Variants in BMX observed in about 807,000 individuals in gnomAD.
The protein encoded by BMX is cytoplasmic tyrosine-protein kinase BMX.
In BMX, 31 loss-of-function variants were observed where a neutral mutation model predicts 59.2. The ratio of observed to expected loss-of-function variants is 0.52; its 90% CI spans 0.39 to 0.71. BMX has a LOEUF of 0.71. Among genes scored for constraint, BMX ranks in the 30% least tolerant of loss-of-function variants. The pLI, the probability that BMX is intolerant of heterozygous loss-of-function variation, is 0.00. For synonymous variants in BMX, 185 were observed against 181.0 expected (o/e 1.02, Z -0.18); for missense variants, 474 against 491.7 (o/e 0.96, Z 0.34).
Position 15,536,412 on chromosome X carries a change from G to A in BMX, c.1207G>A (p.Val403Met). The A allele has an allele frequency of 8.3e-7, 1 of 1,205,944 alleles. No individual in the cohort carries two copies. The highest frequency in any genetic ancestry group is 1.1e-6 in the Non-Finnish European group (1 of 892,157). The change falls in exon 13 of 19, where the codon GTG becomes ATG. Residue 403 changes from valine (V) to methionine (M), a missense_variant. Val to Met is a conservative substitution (Grantham distance 21). Transcript: ENST00000348343. ...STKANKVPDSVSLGNGIWELK... is the reference protein window; with the variant it reads ...STKANKVPDSMSLGNGIWELK... ...AAAGGCCAACAAGGTCCCCGACTCT[G>A]TGTCCCTGGGAAATGGTATGGATAC...
At chrX:15,503,732 C>G (rs191484995) in intron 1 of BMX, among the ~76,000 whole-genome samples, 22 of 112,399 alleles carry the variant, frequency 2.0e-4, no homozygotes, top group African/African-American at 6.5e-4. Flanking sequence ...GCATTAGTAG[C>G]GTGGTCACGA....
intron 7 of BMX, among the ~76,000 whole-genome samples, chrX:15,522,888 C>A (rs1924535124): frequency 1.8e-5 from 2 of 112,340 alleles, no homozygotes; most frequent in African/African-American, 6.5e-5. Flanking sequence ...CTTTAAAAAT[C>A]TATCCTTTAT....
At chrX:15,514,129 C>T (rs1244690479) in intron 4 of BMX, among the ~76,000 whole-genome samples, 1 of 111,515 alleles carries the variant, frequency 9.0e-6, no homozygotes, top group Non-Finnish European at 1.9e-5. Context: ...ATAGGAATCC[C>T]AACATGTGGA....
chrX:15,536,996 T>A (rs1298596017), intron 13 of BMX, 138 bp from the exon 14 acceptor site: 6 of 684,034 alleles, frequency 8.8e-6, no homozygotes, highest in Non-Finnish European at 4.4e-6. Flanking sequence ...TTTTTTTTTT[T>A]AACTTATCAA....
In BMX at chrX:15,542,036, C is replaced by T. The variant is rs773980234; in HGVS notation, c.1449C>T (p.Tyr483=). 21 of 1,208,993 alleles carry T rather than the reference C, an allele frequency of 1.7e-5. No individual in the cohort carries two copies. The highest frequency in any genetic ancestry group is 2.5e-4 in the Middle Eastern group (1 of 3,978). ...VKFYGVCSKE[Y]PIYIVTEYIS... is the part of the protein sequence containing the mutation. The stretch of plus-strand genomic sequence containing the variant: ...TCTATGGAGTGTGTTCAAAGGAATA[C>T]CCCATATACATAGTGACTGAATATA... Residue 483 remains tyrosine, a synonymous_variant, in exon 15 of 19, where the codon TAC becomes TAT. Coordinates refer to ENST00000348343, the MANE Select transcript of BMX (RefSeq NM_203281.3).
At chrX:15,501,940 T>G (rs1287064317) in intron 1 of BMX, among the ~76,000 whole-genome samples, 1 of 111,816 alleles carries the variant, frequency 8.9e-6, no homozygotes, top group Non-Finnish European at 1.9e-5. Context: ...GACAGAGGGA[T>G]GAGAAGTAAA....
chrX:15,534,371 C>G (rs988832051), intron 12 of BMX, 32 bp downstream of exon 12: 3 of 1,124,857 alleles, frequency 2.7e-6, no homozygotes, highest in Admixed American at 2.9e-5. Flanking sequence ...TTTATGGGCC[C>G]TTGTTGTAAA....
intron 4 of BMX, among the ~76,000 whole-genome samples, chrX:15,515,616 A>T (rs1602331215): frequency 8.9e-6 from 1 of 112,337 alleles, no homozygotes; most frequent in Admixed American, 9.4e-5. Context: ...GGTAAAAGGC[A>T]TATGGATGCT....
At chrX:15,512,867 G>A (rs749599012) in intron 4 of BMX, among the ~76,000 whole-genome samples, 1 of 111,852 alleles carries the variant, frequency 8.9e-6, no homozygotes, top group Non-Finnish European at 1.9e-5. Flanking sequence ...TTTCCTGAGC[G>A]GTAGGTGCTA....
chrX:15,540,512 G>GTA (rs1201713945), intron 14 of BMX, among the ~76,000 whole-genome samples: 10 of 109,320 alleles, frequency 9.1e-5, no homozygotes, highest in East Asian at 8.6e-4. Context: ...CATGGCACAT[G>GTA]TATATATATG....
chrX:15,546,927 G>A lies in BMX; in HGVS notation c.1795+6G>A, dbSNP rs1020356093. On this transcript the variant is annotated splice_donor_region_variant and intron_variant, in intron 17 of 18. Coordinates refer to ENST00000348343, the MANE Select transcript of BMX (RefSeq NM_203281.3). ...GTCAGACGTATGGGCATTTGGTAAG[G>A]ATGTGGCCACATACGACCTGGCCCT... 16 of 1,185,702 alleles carry A rather than the reference G, an allele frequency of 1.3e-5. No homozygotes were observed. Among genetic ancestry groups the A allele is most frequent in the South Asian group, 5.4e-5 (3 of 55,785 alleles).
intron 9 of BMX, among the ~76,000 whole-genome samples, chrX:15,526,710 C>T (rs181226964): frequency 1.1e-3 from 118 of 108,519 alleles, no homozygotes; most frequent in African/African-American, 3.4e-3. Context: ...CTCAGCCTCC[C>T]GAGTAGCTAA....
intron 1 of BMX, among the ~76,000 whole-genome samples, chrX:15,507,029 G>C (rs1435850835): frequency 8.9e-6 from 1 of 112,730 alleles, no homozygotes; most frequent in East Asian, 2.8e-4. Flanking sequence ...CACTTTGAGA[G>C]TTGTGTGGTC....
At chrX:15,542,818 G>A in intron 15 of BMX, among the ~76,000 whole-genome samples, 1 of 112,115 alleles carries the variant, frequency 8.9e-6, no homozygotes, top group South Asian at 3.7e-4. Flanking sequence ...GATAAGCTAA[G>A]GTTCTGTGTT....
chrX:15,520,524 T>C (rs772411601), intron 6 of BMX, among the ~76,000 whole-genome samples: 7 of 111,780 alleles, frequency 6.3e-5, no homozygotes, highest in Non-Finnish European at 5.6e-5. Flanking sequence ...ACCAATAAAG[T>C]TTGTTTTGAC....
intron 6 of BMX, 106 bp from the exon 7 acceptor site, chrX:15,522,240 C>T: frequency 5.1e-6 from 5 of 986,943 alleles, no homozygotes; most frequent in Non-Finnish European, 6.9e-6. Context: ...CCTCCCTTCT[C>T]TCCTTCCTTT....
At chrX:15,523,525 AGCCATG>A (rs1924567459) in intron 7 of BMX, among the ~76,000 whole-genome samples, 1 of 112,042 alleles carries the variant, frequency 8.9e-6, no homozygotes, top group African/African-American at 3.2e-5. Flanking sequence ...CAGTATAATA[AGCCATG>A]GTCCCTTTCA....
rs1208149665 is a variant in BMX, at chrX:15,516,279, C to T, written c.445+48C>T. ...GACTGGACGTTGGGTGGATAGTGCT[C>T]CATTAGGCTAAACCTGCCAGAGGCC... is the stretch of plus-strand genomic sequence containing the variant. On this transcript the variant is annotated intron_variant, in intron 5 of 18. Transcript: ENST00000348343. 4 of 1,180,987 alleles carry T rather than the reference C, an allele frequency of 3.4e-6. No homozygotes were observed. In the Admixed American group the frequency reaches 8.8e-5, roughly 26 times the overall value.
chrX:15,553,152 G>A (rs1483965348), intron 18 of BMX, among the ~76,000 whole-genome samples: 1 of 112,161 alleles, frequency 8.9e-6, no homozygotes, highest in African/African-American at 3.2e-5. Context: ...TTTGGATTTT[G>A]CATTCAGTGT....
Sources: gnomAD v4.1 joint callset for allele counts (sites outside exome capture counted in the v4.1 genomes callset) on GRCh38, gnomAD v4.1.1 for gene constraint, MANE v1.5 for transcripts, NCBI Gene and HGNC (gene_info 2026-07-23, HGNC 2026-07-21) for gene names.